CDK13: variants seen among roughly 807,000 people sequenced by gnomAD.
CDK13 encodes the protein cyclin dependent kinase 13, also known as cyclin-dependent kinase 13.
CDK13 carries 40 observed loss-of-function variants against 137.6 expected under a neutral mutation model. The ratio of observed to expected loss-of-function variants is 0.29; its 90% CI spans 0.23 to 0.38. The LOEUF (loss-of-function observed/expected upper bound fraction) is 0.38. Among genes scored for constraint, CDK13 ranks in the 10% least tolerant of loss-of-function variants. The probability of loss-of-function intolerance (pLI) is 1.00; values close to 1 mark genes in which losing one functional copy is unlikely to be tolerated. For synonymous variants in CDK13, 869 were observed against 760.1 expected (o/e 1.14, Z -2.36); for missense variants, 1,704 against 1,951.8 (o/e 0.87, Z 2.39).
chr7:40,086,059 TA>T (rs1786781069), intron 11 of CDK13, among the ~76,000 whole-genome samples: 1 of 152,222 alleles, frequency 6.6e-6, no homozygotes, highest in Non-Finnish European at 1.5e-5. Flanking sequence ...CATAAAAGGT[TA>T]TATTTTAAAA....
Position 39,951,649 on chromosome 7 carries a change from G to A in CDK13, c.1008G>A (p.Arg336=), listed in dbSNP as rs756854071. ...CCCACAGGGCCTCTCAGAGCCTGAG[G>A]AGCCGCAAGTCCCCCAGCCCGGCAG... ...PVSHRASQSL[R]SRKSPSPAGG... The change falls in exon 1 of 14, where the codon AGG becomes AGA. Residue 336 remains arginine (R), a synonymous_variant. Coordinates refer to ENST00000181839, the MANE Select transcript of CDK13 (RefSeq NM_003718.5). 7 of 1,478,124 alleles carry A rather than the reference G, an allele frequency of 4.7e-6. No individual in the cohort carries two copies. The highest frequency in any genetic ancestry group is 2.5e-5 in the Admixed American group (1 of 40,330). The allele number at this position is 1,478,124 out of a possible 1,614,324, so 91.6% of individuals were successfully genotyped here.
chr7:40,064,781 A>C (rs946478521), intron 9 of CDK13, among the ~76,000 whole-genome samples: 1 of 137,050 alleles, frequency 7.3e-6, no homozygotes, highest in East Asian at 2.2e-4. Flanking sequence ...CTTTTATGTT[A>C]CTTTTTTTTT....
chr7:40,027,124 G>A (rs1785259687), intron 5 of CDK13, among the ~76,000 whole-genome samples: 1 of 152,092 alleles, frequency 6.6e-6, no homozygotes, highest in East Asian at 1.9e-4. Context: ...CGGGTGGATC[G>A]CTGGAGGTCA....
At position 39,951,406 on chromosome 7, in the gene CDK13, C is replaced by A. The variant is rs1787188556; in HGVS notation, c.765C>A (p.Gly255=). Residue 255 remains glycine, a synonymous_variant, in exon 1 of 14, where the codon GGC becomes GGA. Transcript: ENST00000181839. ...AGAGCGGCAGCAGCAGCAGCAGCGGCGGCCGCCGGAAAAGCGCTTCGGCCA... is the reference window on the plus strand; with the variant it reads ...AGAGCGGCAGCAGCAGCAGCAGCGGAGGCCGCCGGAAAAGCGCTTCGGCCA... The part of the protein sequence containing the change: ...VAKSGSSSSS[G]GRRKSASATS... 6.6e-7 allele frequency: 1 copy of A among 1,523,368 alleles called. No homozygotes were observed. 94.4% of individuals were successfully genotyped at this position (1,523,368 alleles called of 1,614,324 possible).
At chr7:39,993,693 A>G (rs1233481687) in intron 2 of CDK13, among the ~76,000 whole-genome samples, 2 of 152,064 alleles carry the variant, frequency 1.3e-5, no homozygotes, top group South Asian at 2.1e-4. Context: ...TATTACAGGA[A>G]TGGATGTATC....
chr7:40,080,777 A>T (rs1405155092), intron 11 of CDK13, among the ~76,000 whole-genome samples: 2 of 152,242 alleles, frequency 1.3e-5, no homozygotes, highest in African/African-American at 2.4e-5. Flanking sequence ...AACAGTTAAT[A>T]ATAGTTGGAC....
intron 9 of CDK13, chr7:40,070,530 C>T (rs1438444452): frequency 6.6e-6 from 1 of 152,020 alleles, no homozygotes; most frequent in Non-Finnish European, 1.5e-5. Flanking sequence ...GCCTGGCCAC[C>T]ATGGTGAAAC....
At chr7:39,981,943 C>A (rs1391461760) in intron 1 of CDK13, among the ~76,000 whole-genome samples, 1 of 146,348 alleles carries the variant, frequency 6.8e-6, no homozygotes, top group African/African-American at 2.4e-5. Context: ...AGGCGCCCGC[C>A]ACTACGCCCG....
intron 1 of CDK13, among the ~76,000 whole-genome samples, chr7:39,982,193 G>A (rs896276087): frequency 8.6e-5 from 12 of 139,378 alleles, no homozygotes; most frequent in African/African-American, 3.0e-4. Flanking sequence ...AGTCCCCAGA[G>A]TGTGATGTTC....
chr7:39,969,694 A>G (rs1305066235), intron 1 of CDK13, among the ~76,000 whole-genome samples: 1 of 150,758 alleles, frequency 6.6e-6, no homozygotes, highest in Non-Finnish European at 1.5e-5. Context: ...TCAGTCTTTG[A>G]TTTTAGCCAT....
At chr7:39,958,148 A>G (rs1333905494) in intron 1 of CDK13, among the ~76,000 whole-genome samples, 2 of 152,194 alleles carry the variant, frequency 1.3e-5, no homozygotes, top group Non-Finnish European at 2.9e-5. Context: ...AAATATAGGT[A>G]AAACTGGAAT....
intron 7 of CDK13, among the ~76,000 whole-genome samples, chr7:40,053,622 C>A (rs1785943752): frequency 6.6e-6 from 1 of 152,062 alleles, no homozygotes; most frequent in Non-Finnish European, 1.5e-5. Flanking sequence ...GCAATTCAGG[C>A]CCTACCGCCT....
chr7:39,962,857 C>T (rs1783780850), intron 1 of CDK13, among the ~76,000 whole-genome samples: 1 of 152,120 alleles, frequency 6.6e-6, no homozygotes, highest in Non-Finnish European at 1.5e-5. Context: ...GCTAGTTTTC[C>T]CAGCACCATT....
chr7:40,000,616 T>C (rs932156950), intron 4 of CDK13, among the ~76,000 whole-genome samples: 2 of 152,190 alleles, frequency 1.3e-5, no homozygotes, highest in Non-Finnish European at 2.9e-5. Context: ...GACCTTACGG[T>C]TAGAAACTAC....
chr7:40,097,029 C>G lies in CDK13; in HGVS notation c.*2049C>G, dbSNP rs1787061226. On this transcript the variant is annotated 3_prime_UTR_variant, in exon 14 of 14. Transcript: ENST00000181839. Reference sequence around the variant, plus strand: ...GTATCTAAGTTATTCTTAATAGTCACACTTGATAATTCTGCTGACCATAAG... The same window carrying G: ...GTATCTAAGTTATTCTTAATAGTCAGACTTGATAATTCTGCTGACCATAAG... 6.6e-6 allele frequency: 1 copy of G among 152,086 alleles called. No individual in the cohort carries two copies. The highest frequency in any genetic ancestry group is 6.6e-5 in the Admixed American group (1 of 15,260). The allele number at this position is 152,086 out of a possible 1,614,324, so 9.4% of individuals were successfully genotyped here.
Position 39,950,621 on chromosome 7 carries a change from C to T in CDK13, c.-21C>T. On this transcript the variant is annotated 5_prime_UTR_variant, in exon 1 of 14. Coordinates refer to ENST00000181839, the MANE Select transcript of CDK13 (RefSeq NM_003718.5). ...GGGAGGAGGCCGCACCCGCGCCGCGCTCTGCGGCTGGCTCTAGGCGATGCC... is the reference window on the plus strand; with the variant it reads ...GGGAGGAGGCCGCACCCGCGCCGCGTTCTGCGGCTGGCTCTAGGCGATGCC... 3.1e-6 allele frequency: 4 copies of T among 1,290,754 alleles called. No homozygotes were observed. Among genetic ancestry groups the T allele is most frequent in the Non-Finnish European group, 3.9e-6 (4 of 1,019,546 alleles). 80.0% of individuals were successfully genotyped at this position (1,290,754 alleles called of 1,614,324 possible).
chr7:39,976,323 T>TCACACACACACACA lies in CDK13; in HGVS notation c.1212-11253_1212-11240dup, dbSNP rs764395925. Among the ~76,000 whole-genome samples, 94 of 39,556 alleles carry TCACACACACACACA rather than the reference T, an allele frequency of 2.4e-3. 3 individuals are homozygous for TCACACACACACACA. Among genetic ancestry groups the TCACACACACACACA allele is most frequent in the South Asian group, 5.8e-3 (5 of 866 alleles). The allele number at this position is 39,556 out of a possible 152,430, so 26.0% of individuals were successfully genotyped here. A position where few individuals can be genotyped will look rare whatever the true frequency, so the allele number is the denominator to read the frequency against. On this transcript the variant is annotated intron_variant, in intron 1 of 13. Coordinates refer to ENST00000181839, the MANE Select transcript of CDK13 (RefSeq NM_003718.5). Reference sequence around the variant, plus strand: ...CTCTCTCTCTCTCTCTCTCTCTCTCTCACACACACACACACACACACACAC... The same window carrying TCACACACACACACA: ...CTCTCTCTCTCTCTCTCTCTCTCTCTCACACACACACACACACACACACACACACACACACACAC...
chr7:40,049,919 G>GT (rs376872681), intron 7 of CDK13, among the ~76,000 whole-genome samples: 3 of 151,370 alleles, frequency 2.0e-5, no homozygotes, highest in African/African-American at 7.3e-5. Context: ...GGATTTCCTT[G>GT]TTTTTTAAAG....
chr7:40,015,421 G>C (rs1784983447), intron 5 of CDK13, among the ~76,000 whole-genome samples: 1 of 152,170 alleles, frequency 6.6e-6, no homozygotes, highest in Non-Finnish European at 1.5e-5. Flanking sequence ...TATGTATAAT[G>C]GGTTAAGAGC....
Sources: allele counts gnomAD v4.1 joint callset (sites outside exome capture counted in the v4.1 genomes callset), GRCh38; gene constraint gnomAD v4.1.1; transcripts MANE v1.5; gene names NCBI Gene and HGNC (gene_info 2026-07-23, HGNC 2026-07-21).